RAPGEFL1: variants seen among roughly 807,000 people sequenced by gnomAD.
RAPGEFL1 encodes the protein Rap guanine nucleotide exchange factor like 1, also known as rap guanine nucleotide exchange factor-like 1.
In RAPGEFL1, 31 loss-of-function variants were observed where a neutral mutation model predicts 64.4. The ratio of observed to expected loss-of-function variants is 0.48; its 90% CI spans 0.36 to 0.65. The LOEUF is 0.65. Ranked by LOEUF, RAPGEFL1 falls within the 30% of genes least tolerant of loss-of-function variation. RAPGEFL1 has a pLI of 0.00. For synonymous variants in RAPGEFL1, 331 were observed against 274.1 expected, an observed-to-expected ratio of 1.21 and a Z score of -2.05; for missense variants, 682 against 677.4, an observed-to-expected ratio of 1.01 and a Z score of -0.08.
In RAPGEFL1 at chr17:40,184,509, G is replaced by GC; in HGVS notation, c.736-69dup. 3.4e-6 allele frequency: 4 copies of GC among 1,168,450 alleles called. No homozygotes were observed. In the South Asian group the frequency reaches 5.8e-5, roughly 17 times the overall value. 72.4% of individuals were successfully genotyped at this position (1,168,450 alleles called of 1,614,324 possible). A position where few individuals can be genotyped will look rare whatever the true frequency, so the allele number is the denominator to read the frequency against. On this transcript the variant is annotated intron_variant, in intron 3 of 14. Transcript: ENST00000620260. ...CTGTGCTTAAAGGTATGGAGACCTT[G>GC]CCCGGCCCCTGCAGAGAGTAGCCCT...
At chr17:40,193,300 G>A (rs943994964) in intron 13 of RAPGEFL1, 63 bp from the exon 14 acceptor site, 1 of 1,527,894 alleles carries the variant, frequency 6.5e-7, no homozygotes, top group Non-Finnish European at 9.1e-7. Flanking sequence ...GGCGGAGGGG[G>A]AGCATAAGAG....
chr17:40,188,650 A>C (rs1990157417), intron 4 of RAPGEFL1: 2 of 572,732 alleles, frequency 3.5e-6, no homozygotes, highest in African/African-American at 3.8e-5. Context: ...GGTGGATCAG[A>C]GAAGAATTCA....
At chr17:40,183,004 C>T (rs911890772) in intron 2 of RAPGEFL1, among the ~76,000 whole-genome samples, 3 of 152,030 alleles carry the variant, frequency 2.0e-5, no homozygotes, top group Admixed American at 6.6e-5. Flanking sequence ...AAAAATTAGC[C>T]GGGTTTGGTG....
chr17:40,188,771 C>G (rs1018599884), intron 4 of RAPGEFL1, 95 bp from the exon 5 acceptor site: 38 of 974,904 alleles, frequency 3.9e-5, no homozygotes, highest in Admixed American at 5.3e-5. Context: ...GCATCCTTGA[C>G]CCAATTCTGA....
rs199717326 is a variant in RAPGEFL1 at position 40,192,281 on chromosome 17, T to G, written c.1656+18T>G. The G allele has an allele frequency of 4.3e-6, 7 of 1,612,260 alleles. No individual in the cohort carries two copies. The East Asian group carries it at 1.3e-4, about 31-fold the overall frequency. ...ACCTGACGGTGAGTGGGTTTGGCTCTTTCTTCTGCTCTTGGACTGAGAGCC... is the reference window on the plus strand; with the variant it reads ...ACCTGACGGTGAGTGGGTTTGGCTCGTTCTTCTGCTCTTGGACTGAGAGCC... On this transcript the variant is annotated intron_variant, in intron 11 of 14. Transcript: ENST00000620260.
chr17:40,192,221 A>C lies in RAPGEFL1; in HGVS notation c.1614A>C (p.Pro538=), dbSNP rs1423144224. 2 of 1,613,976 alleles carry C rather than the reference A, an allele frequency of 1.2e-6. No homozygotes were observed. The highest frequency in any genetic ancestry group is 8.5e-7 in the Non-Finnish European group (1 of 1,179,844). The change falls in exon 11 of 15, where the codon CCA becomes CCC. Residue 538 remains proline, a synonymous_variant. Transcript: ENST00000620260. The stretch of plus-strand genomic sequence containing the variant: ...TCCTTCAAACTCTGCAGAAGCTGCC[A>C]GGGAAATTCAAGAACTTGTTTCGCA... ...SRLRLTWEKL[P]GKFKNLFRKF... is the part of the protein sequence containing the mutation.
intron 1 of RAPGEFL1, among the ~76,000 whole-genome samples, chr17:40,180,769 G>C (rs935584292): frequency 3.9e-5 from 6 of 152,274 alleles, no homozygotes; most frequent in Non-Finnish European, 2.9e-5. Flanking sequence ...GACCACAGGA[G>C]ATAGTGAACC....
intron 4 of RAPGEFL1, chr17:40,188,549 C>T (rs1369360566): frequency 2.9e-6 from 1 of 350,092 alleles, no homozygotes; most frequent in Non-Finnish European, 5.4e-6. Flanking sequence ...CAAGAGCTCT[C>T]AATCTCATAG....
In RAPGEFL1 at chr17:40,191,459, G is replaced by A. The variant is rs896013340; in HGVS notation, c.1479G>A (p.Ala493=). The A allele has an allele frequency of 6.2e-7, 1 of 1,607,168 alleles. No individual in the cohort carries two copies. ...TCTGCGAGGCCCCGGGCAAGCGCGC[G>A]CAGCTGCTCAAGAAGTTCATCAAGA... The part of the protein sequence containing the change: ...VLLCEAPGKR[A]QLLKKFIKIA... The change falls in exon 9 of 15, where the codon GCG becomes GCA. Residue 493 remains alanine (A), a synonymous_variant. Transcript: ENST00000620260. This position sits in a 1 kb window ranked among gnomAD's most constrained non-coding sequence, Gnocchi z 5.1.
At position 40,177,673 on chromosome 17, in the gene RAPGEFL1, C is replaced by T. The variant is rs912481617; in HGVS notation, c.-189C>T. The stretch of plus-strand genomic sequence containing the variant: ...GAGCGAGCACTCCTTTCCTCTGGCA[C>T]CTCCCCCGGCTACTGGCCACTGGAC... On this transcript the variant is annotated 5_prime_UTR_variant, in exon 1 of 15. Transcript: ENST00000620260. 1.2e-5 allele frequency: 5 copies of T among 411,688 alleles called. No individual in the cohort carries two copies. The highest frequency in any genetic ancestry group is 1.0e-4 in the African/African-American group (5 of 48,508). 25.5% of individuals were successfully genotyped at this position (411,688 alleles called of 1,614,324 possible).
intron 4 of RAPGEFL1, 42 bp from the exon 5 acceptor site, chr17:40,188,824 T>C: frequency 6.6e-7 from 1 of 1,524,762 alleles, no homozygotes; most frequent in Non-Finnish European, 9.1e-7. Flanking sequence ...GTTGTCCATA[T>C]GCCTGGCAGG....
rs1989897797 is a variant in RAPGEFL1, at chr17:40,181,633, A to G, written c.538A>G (p.Ile180Val). The change falls in exon 2 of 15, where the codon ATT (isoleucine) becomes GTT (valine). Residue 180 changes from isoleucine to valine, a missense_variant. Ile to Val is a conservative substitution (Grantham distance 29). Coordinates refer to ENST00000620260, the MANE Select transcript of RAPGEFL1 (RefSeq NM_016339.6). ...SAASDILLDD[I>V]VLTHSLFLPT... Reference sequence around the variant, plus strand: ...CTTTACAGATATCCTGCTGGATGACATTGTCCTTACCCATTCTCTCTTCCT... The same window carrying G: ...CTTTACAGATATCCTGCTGGATGACGTTGTCCTTACCCATTCTCTCTTCCT... The G allele has an allele frequency of 1.4e-6, 1 of 702,652 alleles. No individual in the cohort carries two copies. Among genetic ancestry groups the G allele is most frequent in the Admixed American group, 2.0e-5 (1 of 49,996 alleles). The allele number at this position is 702,652 out of a possible 1,614,324, so 43.5% of individuals were successfully genotyped here. A position where few individuals can be genotyped will look rare whatever the true frequency, so the allele number is the denominator to read the frequency against.
At chr17:40,189,022 A>G (rs749348541) in intron 5 of RAPGEFL1, 44 bp downstream of exon 5, 13 of 1,199,724 alleles carry the variant, frequency 1.1e-5, no homozygotes, top group Non-Finnish European at 1.2e-5. Flanking sequence ...TGAGTGGCTC[A>G]GGGGGACATA....
intron 4 of RAPGEFL1, among the ~76,000 whole-genome samples, chr17:40,186,340 G>A (rs1432398512): frequency 2.1e-5 from 3 of 144,660 alleles, no homozygotes; most frequent in East Asian, 2.1e-4. Flanking sequence ...AGGCCGAGGC[G>A]GGTGGATCAT....
chr17:40,193,134 C>CA (rs765780584), intron 13 of RAPGEFL1, 144 bp downstream of exon 13: 60 of 979,940 alleles, frequency 6.1e-5, no homozygotes, highest in Non-Finnish European at 9.1e-5. Context: ...CTGGTGGCAT[C>CA]ACTGTGGCAA....
At position 40,193,436 on chromosome 17, in the gene RAPGEFL1, G is replaced by A. The variant is rs778350027; in HGVS notation, c.1864+19G>A. On this transcript the variant is annotated intron_variant, in intron 14 of 14. Transcript: ENST00000620260. ...CCCCTTTGTGAGTACCCAGGGTACT[G>A]AGAGCAGTACAGATAGAGCTTTGAC... 5.6e-6 allele frequency: 9 copies of A among 1,613,590 alleles called. No individual in the cohort carries two copies. Among genetic ancestry groups the A allele is most frequent in the Non-Finnish European group, 1.7e-6 (2 of 1,179,594 alleles).
In RAPGEFL1 at chr17:40,190,723, A is replaced by G; in HGVS notation, c.1296A>G (p.Leu432=). The G allele has an allele frequency of 6.2e-7, 1 of 1,614,142 alleles. No homozygotes were observed. Among genetic ancestry groups the G allele is most frequent in the Non-Finnish European group, 8.5e-7 (1 of 1,180,028 alleles). The change falls in exon 8 of 15, where the codon CTA becomes CTG. Residue 432 remains leucine, a synonymous_variant. Transcript: ENST00000620260. Reference sequence around the variant, plus strand: ...AGCCTGAGGACGTTGCCAACCACCTAACTGCCTTCCACTGGGAGCTGTTCC... The same window carrying G: ...AGCCTGAGGACGTTGCCAACCACCTGACTGCCTTCCACTGGGAGCTGTTCC... The part of the protein sequence containing the change: ...RVEPEDVANH[L]TAFHWELFRC...
rs2145221316 is a variant in RAPGEFL1 at position 40,190,631 on chromosome 17, T to TGCCACCAGGTGCCCCTCCCC, written c.1213-7_1225dup. On this transcript the variant is annotated splice_polypyrimidine_tract_variant and intron_variant, in intron 7 of 14. Coordinates refer to ENST00000620260, the MANE Select transcript of RAPGEFL1 (RefSeq NM_016339.6). The stretch of plus-strand genomic sequence containing the variant: ...GGAGCCCAGCCCCTATGCCCCTGCC[T>TGCCACCAGGTGCCCCTCCCC]GCCACCAGGTGCCCCTCCCCGAGGA... The TGCCACCAGGTGCCCCTCCCC allele has an allele frequency of 1.2e-6, 2 of 1,614,022 alleles. No homozygotes were observed. Among genetic ancestry groups the TGCCACCAGGTGCCCCTCCCC allele is most frequent in the Non-Finnish European group, 1.7e-6 (2 of 1,179,916 alleles).
At chr17:40,184,930 CCATGCCCAGCTAA>C (rs1990016937) in intron 4 of RAPGEFL1, among the ~76,000 whole-genome samples, 1 of 152,104 alleles carries the variant, frequency 6.6e-6, no homozygotes. Flanking sequence ...CAGGGGTGCA[CCATGCCCAGCTAA>C]TTTTTGTACT....
Sources: gnomAD v4.1 joint callset for allele counts (sites outside exome capture counted in the v4.1 genomes callset) on GRCh38, gnomAD v4.1.1 for gene constraint, Gnocchi (gnomAD v3.1) non-coding constraint, MANE v1.5 for transcripts, NCBI Gene and HGNC (gene_info 2026-07-23, HGNC 2026-07-21) for gene names.